The following SAMD12 variants were observed in gnomAD, a reference collection of about 807,000 sequenced individuals.
The protein encoded by SAMD12 is sterile alpha motif domain containing 12, also known as sterile alpha motif domain-containing protein 12.
A neutral mutation model predicts 15.0 loss-of-function variants in SAMD12; 9 were observed. The observed-to-expected ratio is 0.60, with a 90% CI of 0.36 to 1.05. SAMD12 has a LOEUF of 1.05. Ranked by LOEUF, SAMD12 falls within the 50% of genes least tolerant of loss-of-function variation. The pLI is 0.01. For missense variants in SAMD12, 230 were observed against 234.2 expected (o/e 0.98, Z 0.12); for synonymous variants, 86 against 90.1 (o/e 0.96, Z 0.25).
intron 2 of SAMD12, among the ~76,000 whole-genome samples, chr8:118,533,030 TA>T (rs1411922493): frequency 6.6e-6 from 1 of 152,202 alleles, no homozygotes; most frequent in Non-Finnish European, 1.5e-5. Context: ...ATTGTGATGT[TA>T]GGGTGTCAAT....
chr8:118,582,400 C>T (rs1480431807), intron 1 of SAMD12, among the ~76,000 whole-genome samples: 2 of 152,150 alleles, frequency 1.3e-5, no homozygotes, highest in African/African-American at 2.4e-5. Context: ...AGCTCTACAC[C>T]TAACATACTG....
At chr8:118,477,961 C>T (rs1824007968) in intron 2 of SAMD12, among the ~76,000 whole-genome samples, 1 of 141,738 alleles carries the variant, frequency 7.1e-6, no homozygotes, top group Non-Finnish European at 1.5e-5. Context: ...TTGCAGTGAG[C>T]AGAGATCTCC....
chr8:118,472,539 G>C (rs926400796), intron 2 of SAMD12, among the ~76,000 whole-genome samples: 1 of 152,108 alleles, frequency 6.6e-6, no homozygotes, highest in Non-Finnish European at 1.5e-5. Flanking sequence ...GCCGGGCATG[G>C]CAGCCTGCGC....
intron 2 of SAMD12, among the ~76,000 whole-genome samples, chr8:118,506,804 A>T (rs896139283): frequency 6.6e-6 from 1 of 150,640 alleles, no homozygotes; most frequent in African/African-American, 2.4e-5. Context: ...CTAGATGATT[A>T]CATTGGTGTG....
chr8:118,445,379 C>G (rs1487274620), intron 2 of SAMD12, among the ~76,000 whole-genome samples: 1 of 152,120 alleles, frequency 6.6e-6, no homozygotes, highest in Non-Finnish European at 1.5e-5. Flanking sequence ...AAAAACATAT[C>G]TTGTCTATTG....
At position 118,580,746 on chromosome 8, in the gene SAMD12, T is replaced by C; in HGVS notation, c.161A>G (p.Lys54Arg). Residue 54 changes from lysine to arginine, a missense_variant, in exon 2 of 4, where the codon AAG (lysine) becomes AGG (arginine). Physicochemically the swap from Lys to Arg is conservative, Grantham distance 26. Transcript: ENST00000314727. ...CGTCTCAGCTTCTGCCTGCAGTCGC[T>C]TGGGAGTTCCTTTCTGGTCAGGCAC... is the stretch of plus-strand genomic sequence containing the variant. ...QKVPDQKGTP[K>R]RLQAEAETAK... is the part of the protein sequence containing the mutation. 1 of 1,613,126 alleles carries C rather than the reference T, an allele frequency of 6.2e-7. No homozygotes were observed. Among genetic ancestry groups the C allele is most frequent in the Non-Finnish European group, 8.5e-7 (1 of 1,179,304 alleles).
chr8:118,203,320 A>G (rs997727251), intron 4 of SAMD12, among the ~76,000 whole-genome samples: 1 of 152,152 alleles, frequency 6.6e-6, no homozygotes, highest in Non-Finnish European at 1.5e-5. Context: ...CTGGTTCTCA[A>G]CTGGATATAA....
At position 118,601,419 on chromosome 8, in the gene SAMD12, C is replaced by G. The variant is rs549749190; in HGVS notation, c.13+20385G>C. 1.2e-4 allele frequency among the ~76,000 whole-genome samples: 19 copies of G among 152,268 alleles called. No homozygotes were observed. In the East Asian group the frequency reaches 3.7e-3, roughly 29 times the overall value. On this transcript the variant is annotated intron_variant, in intron 1 of 3. Transcript: ENST00000314727. ...AATTATTTTTCTCTCCATGCCTAGA[C>G]AGTGACTCTTCTTTGTTTAAATATT...
At chr8:118,371,615 C>G (rs116361515) in intron 4 of SAMD12, among the ~76,000 whole-genome samples, 1 of 151,796 alleles carries the variant, frequency 6.6e-6, no homozygotes, top group Non-Finnish European at 1.5e-5. Context: ...AGAACAGACT[C>G]GGGAGATGGT....
intron 2 of SAMD12, among the ~76,000 whole-genome samples, chr8:118,455,268 C>CCTCTCTCTCT (rs57371997): frequency 0.2 from 30,201 of 148,440 alleles, 3,749 homozygotes; most frequent in Admixed American, 0.31. Flanking sequence ...GGCTTTCACA[C>CCTCTCTCTCT]CTCTCTCTCT....
intron 2 of SAMD12, among the ~76,000 whole-genome samples, chr8:118,553,339 G>T (rs1202382292): frequency 2.6e-5 from 4 of 151,982 alleles, no homozygotes; most frequent in Admixed American, 2.6e-4. Context: ...CAGAGATATA[G>T]ATCAATGGAA....
chr8:118,437,899 C>A (rs1822620556), intron 3 of SAMD12, among the ~76,000 whole-genome samples: 2 of 152,248 alleles, frequency 1.3e-5, no homozygotes, highest in South Asian at 2.1e-4. Context: ...CTCAAGGGGA[C>A]CTCATAATTC....
At chr8:118,594,938 C>T (rs1484872824) in intron 1 of SAMD12, among the ~76,000 whole-genome samples, 1 of 152,198 alleles carries the variant, frequency 6.6e-6, no homozygotes, top group Non-Finnish European at 1.5e-5. Context: ...CTGCACTACT[C>T]AGGGCAGTGT....
intron 4 of SAMD12, among the ~76,000 whole-genome samples, chr8:118,229,301 T>C (rs956033325): frequency 6.6e-6 from 1 of 151,476 alleles, no homozygotes; most frequent in Non-Finnish European, 1.5e-5. Context: ...TAATAAAAAT[T>C]TAAAAATATA....
intron 4 of SAMD12, among the ~76,000 whole-genome samples, chr8:118,305,393 C>T (rs1815287212): frequency 6.6e-6 from 1 of 152,024 alleles, no homozygotes; most frequent in Non-Finnish European, 1.5e-5. Flanking sequence ...CATATTTGTC[C>T]TTTTGTATCT....
At chr8:118,486,379 G>A (rs1360118525) in intron 2 of SAMD12, among the ~76,000 whole-genome samples, 14 of 151,522 alleles carry the variant, frequency 9.2e-5, no homozygotes, top group Non-Finnish European at 7.4e-5. Context: ...TTGCGCCACT[G>A]CACTCCAGCC....
At chr8:118,509,164 T>C (rs74471021) in intron 2 of SAMD12, among the ~76,000 whole-genome samples, 3,577 of 152,282 alleles carry the variant, frequency 0.023, 114 homozygotes, top group African/African-American at 0.076. Context: ...AAAAAGATCA[T>C]GTGTCTAGTC....
chr8:118,493,723 AT>A (rs1824517850), intron 2 of SAMD12, among the ~76,000 whole-genome samples: 1 of 152,218 alleles, frequency 6.6e-6, no homozygotes, highest in Non-Finnish European at 1.5e-5. Flanking sequence ...TGAAGGTCAC[AT>A]AACCTGAACA....
rs1169652511 is a variant in SAMD12 at position 118,326,964 on chromosome 8, G to C, written c.433+52596C>G. On this transcript the variant is annotated intron_variant, in intron 4 of 4. Transcript: ENST00000409003. ...AGCAAGTCAACAATGAAAGCAACTAGAAAATAGCTATTTTGGTCCCTTCTG... is the reference window on the plus strand; with the variant it reads ...AGCAAGTCAACAATGAAAGCAACTACAAAATAGCTATTTTGGTCCCTTCTG... Among the ~76,000 whole-genome samples, 3 of 152,130 alleles carry C rather than the reference G, an allele frequency of 2.0e-5. No individual in the cohort carries two copies. The South Asian group carries it at 6.2e-4, about 32-fold the overall frequency.
Sources: allele counts gnomAD v4.1 joint callset (sites outside exome capture counted in the v4.1 genomes callset), GRCh38; gene constraint gnomAD v4.1.1; transcripts MANE v1.5; gene names NCBI Gene and HGNC (gene_info 2026-07-23, HGNC 2026-07-21).